The following FCHO1 variants were observed in gnomAD, a reference collection of about 807,000 sequenced individuals.
FCHO1 encodes FCH and mu domain containing endocytic adaptor 1.
In FCHO1, 45 loss-of-function variants were observed where a neutral mutation model predicts 114.4. The ratio of observed to expected loss-of-function variants is 0.39; its 90% CI spans 0.31 to 0.50. FCHO1 has a LOEUF of 0.50. FCHO1 is among the 20% of genes least tolerant of loss of function. FCHO1 has a pLI of 0.77. For synonymous variants in FCHO1, 480 were observed against 488.9 expected (o/e 0.98, Z 0.24); for missense variants, 1,042 against 1,209.6 (o/e 0.86, Z 2.06).
At chr19:17,760,126 A>G (rs2085490748) in intron 4 of FCHO1, among the ~76,000 whole-genome samples, 1 of 150,832 alleles carries the variant, frequency 6.6e-6, no homozygotes, top group East Asian at 1.9e-4. Context: ...ATCTCAGCTC[A>G]CTACAACCTC....
rs531772185 is a variant in FCHO1 at position 17,776,599 on chromosome 19, G to T, written c.1208-36G>T. ...TGGAGTGGGGAGCATTGCAGGCAGG[G>T]TGACAAGAAGGCTGAAGGAGGTGCA... On this transcript the variant is annotated intron_variant, in intron 17 of 28. Coordinates refer to ENST00000596536, the MANE Select transcript of FCHO1 (RefSeq NM_015122.3). This position sits in a 1 kb window ranked among gnomAD's most constrained non-coding sequence, Gnocchi z 4.4. The T allele has an allele frequency of 3.3e-5, 53 of 1,612,170 alleles. No homozygotes were observed. In the South Asian group the frequency reaches 5.4e-4, roughly 16 times the overall value.
chr19:17,781,855 G>A (rs2093440827), intron 23 of FCHO1, 35 bp downstream of exon 23: 1 of 1,438,634 alleles, frequency 7.0e-7, no homozygotes, highest in African/African-American at 1.4e-5. Context: ...CCCGTGGGAA[G>A]TCTGTGTTGG....
At chr19:17,749,820 A>G (rs2081471596), upstream of FCHO1, among the ~76,000 whole-genome samples, 1 of 152,136 alleles carries the variant, frequency 6.6e-6, no homozygotes, top group Non-Finnish European at 1.5e-5. Flanking sequence ...ACAGCATGGT[A>G]CCTGCTTGAA....
chr19:17,770,978 G>C, intron 9 of FCHO1, 82 bp downstream of exon 9: 1 of 1,252,266 alleles, frequency 8.0e-7, no homozygotes, highest in Non-Finnish European at 1.1e-6. Context: ...CCCAGGCAGG[G>C]TGTGGTGGCT....
At chr19:17,761,067 A>C (rs545653668) in intron 4 of FCHO1, among the ~76,000 whole-genome samples, 1 of 152,266 alleles carries the variant, frequency 6.6e-6, no homozygotes, top group East Asian at 1.9e-4. Flanking sequence ...TGGAGTAAAG[A>C]GATTTTGTGA....
intron 20 of FCHO1, 59 bp downstream of exon 20, chr19:17,778,943 C>T (rs1157498837): frequency 1.4e-6 from 2 of 1,456,436 alleles, no homozygotes; most frequent in Admixed American, 2.6e-5. Context: ...GGATTGAGCG[C>T]CTGCTTTGGG....
intron 27 of FCHO1, among the ~76,000 whole-genome samples, chr19:17,787,081 G>A (rs907715166): frequency 8.6e-5 from 13 of 151,614 alleles, no homozygotes; most frequent in East Asian, 1.9e-4. Context: ...AAAATTAGCC[G>A]CGTGTGGTGG....
intron 4 of FCHO1, among the ~76,000 whole-genome samples, chr19:17,757,082 G>A (rs2083833422): frequency 6.6e-6 from 1 of 151,596 alleles, no homozygotes. Flanking sequence ...CCAGCTACTC[G>A]AGAGGCTAAG....
At chr19:17,768,126 G>A (rs62121730) in intron 7 of FCHO1, among the ~76,000 whole-genome samples, 43,101 of 152,034 alleles carry the variant, frequency 0.28, 7,895 homozygotes, top group Non-Finnish European at 0.41. Flanking sequence ...GGAGTGCAGT[G>A]TGCACAATCT....
Position 17,786,611 on chromosome 19 carries a change from G to C in FCHO1, c.2464G>C (p.Asp822His). ...EEKRLTWRLP[D>H]VSEAGGSGRL... ...GAAGCGGCTCACTTGGAGGCTTCCA[G>C]ATGTGTCCGAGGCAGGCGGTGAGCT... The change falls in exon 27 of 29, where the codon GAT (aspartate) becomes CAT (histidine). Residue 822 changes from aspartate to histidine, a missense_variant. Asp to His is a moderately conservative substitution (Grantham distance 81, BLOSUM62 -1). This residue lies in a region of FCHO1 where 137 missense variants were observed against 190.0 expected (regional missense o/e 0.72). Transcript: ENST00000596536. The C allele has an allele frequency of 1.5e-6, 2 of 1,357,994 alleles. No homozygotes were observed. Among genetic ancestry groups the C allele is most frequent in the Non-Finnish European group, 9.8e-7 (1 of 1,019,058 alleles). The allele number at this position is 1,357,994 out of a possible 1,614,324, so 84.1% of individuals were successfully genotyped here.
At chr19:17,767,118 A>G (rs964260747) in intron 7 of FCHO1, among the ~76,000 whole-genome samples, 132 of 139,514 alleles carry the variant, frequency 9.5e-4, no homozygotes, top group African/African-American at 3.4e-3. Flanking sequence ...ACAGGGTCTC[A>G]CTCTGTCACC....
At chr19:17,770,628 C>A in intron 8 of FCHO1, 51 bp downstream of exon 8, 1 of 1,588,768 alleles carries the variant, frequency 6.3e-7, no homozygotes, top group South Asian at 1.1e-5. Flanking sequence ...GGCGGAGGGG[C>A]TGCCTGATCA....
Position 17,784,612 on chromosome 19 carries a change from G to T in FCHO1, c.2227-113G>T. 1 of 992,896 alleles carries T rather than the reference G, an allele frequency of 1.0e-6. No individual in the cohort carries two copies. Among genetic ancestry groups the T allele is most frequent in the South Asian group, 1.3e-5 (1 of 75,916 alleles). 61.5% of individuals were successfully genotyped at this position (992,896 alleles called of 1,614,324 possible). Reference sequence around the variant, plus strand: ...CATCCATCAAATCTCCCTGTGACTGGACCCCCTTGGGGCGGTGCGTGCATC... The same window carrying T: ...CATCCATCAAATCTCCCTGTGACTGTACCCCCTTGGGGCGGTGCGTGCATC... On this transcript the variant is annotated intron_variant, in intron 25 of 28. Coordinates refer to ENST00000596536, the MANE Select transcript of FCHO1 (RefSeq NM_015122.3). The surrounding 1 kb of genome is among the most constrained non-coding windows in gnomAD (Gnocchi z 5.3).
chr19:17,784,442 G>A lies in FCHO1; in HGVS notation c.2226+207G>A, dbSNP rs265557. 0.86 allele frequency among the ~76,000 whole-genome samples: 130,261 copies of A among 152,118 alleles called. 56,035 individuals are homozygous for A. The highest frequency in any genetic ancestry group is 0.91 in the Middle Eastern group (269 of 294). ...GGAGGAGTAGGCAGTGTGGAAGAGC[G>A]TGCATCCCCTGTTGCAGATAGTATG... On this transcript the variant is annotated intron_variant, in intron 25 of 28. Transcript: ENST00000596536. This position sits in a 1 kb window ranked among gnomAD's most constrained non-coding sequence, Gnocchi z 5.3.
Position 17,778,166 on chromosome 19 carries a change from A to G in FCHO1, c.1289A>G (p.Gln430Arg), listed in dbSNP as rs1322513803. Residue 430 changes from glutamine to arginine, a missense_variant, in exon 19 of 29, where the codon CAG becomes CGG. Physicochemically the swap from Gln to Arg is conservative, Grantham distance 43. Coordinates refer to ENST00000596536, the MANE Select transcript of FCHO1 (RefSeq NM_015122.3). ...GCAGAGAGATTGCAGTCAGAGGAGCAGGTGTCCAAGAACCTCTTTGGGCCG... is the reference window on the plus strand; with the variant it reads ...GCAGAGAGATTGCAGTCAGAGGAGCGGGTGTCCAAGAACCTCTTTGGGCCG... Reference protein sequence around the residue: ...SCAERLQSEEQVSKNLFGPPL... With the variant: ...SCAERLQSEERVSKNLFGPPL... The G allele has an allele frequency of 1.9e-6, 3 of 1,613,976 alleles. No homozygotes were observed. In the South Asian group the frequency reaches 3.3e-5, roughly 18 times the overall value.
chr19:17,776,442 A>G lies in FCHO1; in HGVS notation c.1207+171A>G, dbSNP rs777012996. ...CATTATGAAATTAAGTGAGAGCTGA[A>G]AGGGGTAGCTGGGGCCAGGAGAAGC... On this transcript the variant is annotated intron_variant, in intron 17 of 28. Transcript: ENST00000596536. This position sits in a 1 kb window ranked among gnomAD's most constrained non-coding sequence, Gnocchi z 4.4. Among the ~76,000 whole-genome samples, 11 of 152,144 alleles carry G rather than the reference A, an allele frequency of 7.2e-5. No homozygotes were observed. Among genetic ancestry groups the G allele is most frequent in the Non-Finnish European group, 1.6e-4 (11 of 68,012 alleles).
chr19:17,755,130 C>CG lies in FCHO1; in HGVS notation c.-31dup, dbSNP rs1382247631. The stretch of plus-strand genomic sequence containing the variant: ...CCTCTCTCTTCAGACAGGCACTGGA[C>CG]GGGGCCTGCAGGGGTCTCCACAGAG... On this transcript the variant is annotated 5_prime_UTR_variant, in exon 4 of 29. Coordinates refer to ENST00000596536, the MANE Select transcript of FCHO1 (RefSeq NM_015122.3). 6.2e-7 allele frequency: 1 copy of CG among 1,612,244 alleles called. No homozygotes were observed. The highest frequency in any genetic ancestry group is 1.3e-5 in the African/African-American group (1 of 74,846).
Position 17,775,842 on chromosome 19 carries a change from A to T in FCHO1, c.1004-141A>T, listed in dbSNP as rs2092561267. The stretch of plus-strand genomic sequence containing the variant: ...GGGAGTGCTGGTGGGACATGGTGTC[A>T]GGACTGAAGGTGGCGCGTGGTGAGC... On this transcript the variant is annotated intron_variant, in intron 15 of 28. Transcript: ENST00000596536. The surrounding 1 kb of genome is among the most constrained non-coding windows in gnomAD (Gnocchi z 5.1). 1 of 941,650 alleles carries T rather than the reference A, an allele frequency of 1.1e-6. No homozygotes were observed. The highest frequency in any genetic ancestry group is 1.6e-6 in the Non-Finnish European group (1 of 635,150). The allele number at this position is 941,650 out of a possible 1,614,324, so 58.3% of individuals were successfully genotyped here. A position where few individuals can be genotyped will look rare whatever the true frequency, so the allele number is the denominator to read the frequency against.
chr19:17,750,616 A>C (rs1331250109), upstream of FCHO1, among the ~76,000 whole-genome samples: 1 of 148,704 alleles, frequency 6.7e-6, no homozygotes, highest in African/African-American at 2.5e-5. Context: ...ATGCCACCCC[A>C]CCCAGCTAAC....
Sources: allele counts gnomAD v4.1 joint callset (sites outside exome capture counted in the v4.1 genomes callset), GRCh38; gene constraint gnomAD v4.1.1; regional missense constraint gnomAD v4.1.1; non-coding constraint Gnocchi (gnomAD v3.1); transcripts MANE v1.5; gene names NCBI Gene and HGNC (gene_info 2026-07-23, HGNC 2026-07-21).